Variants in IL21R observed in about 807,000 individuals in gnomAD.
The protein encoded by IL21R is interleukin-21 receptor.
Under a neutral mutation model 41.3 loss-of-function variants are expected in IL21R, and 14 were observed. The ratio of observed to expected loss-of-function variants is 0.34; its 90% CI spans 0.22 to 0.53. The LOEUF (loss-of-function observed/expected upper bound fraction) is 0.53. Among genes scored for constraint, IL21R ranks in the 20% least tolerant of loss-of-function variants. IL21R has a pLI of 0.94. For missense variants in IL21R, 588 were observed against 681.6 expected, an observed-to-expected ratio of 0.86 and a Z score of 1.53; for synonymous variants, 286 against 287.6, an observed-to-expected ratio of 0.99 and a Z score of 0.05.
intron 1 of IL21R, among the ~76,000 whole-genome samples, chr16:27,402,841 T>C (rs939666319): frequency 1.3e-5 from 2 of 152,116 alleles, no homozygotes; most frequent in African/African-American, 4.8e-5. Context: ...GCAGCAGGGA[T>C]GTGGCTGAGA....
chr16:27,436,079 C>T (rs1280293101), intron 3 of IL21R, among the ~76,000 whole-genome samples: 3 of 152,210 alleles, frequency 2.0e-5, no homozygotes, highest in African/African-American at 4.8e-5. Context: ...GTCAGGAGCC[C>T]GCAGGGTTGG....
At chr16:27,436,046 T>C (rs1348515398) in intron 3 of IL21R, among the ~76,000 whole-genome samples, 3 of 152,160 alleles carry the variant, frequency 2.0e-5, no homozygotes, top group Non-Finnish European at 4.4e-5. Flanking sequence ...AGACAACCAC[T>C]CAGGGCTCAC....
intron 1 of IL21R, among the ~76,000 whole-genome samples, chr16:27,427,542 C>T (rs2087099876): frequency 6.6e-6 from 1 of 152,122 alleles, no homozygotes; most frequent in South Asian, 2.1e-4. Context: ...ACCACAGGCA[C>T]ACAGCACCCG....
intron 1 of IL21R, among the ~76,000 whole-genome samples, chr16:27,410,116 T>C (rs1209428960): frequency 2.6e-5 from 4 of 152,120 alleles, no homozygotes; most frequent in Non-Finnish European, 4.4e-5. Flanking sequence ...TGGGTGGATC[T>C]TTTGAGGTCA....
At chr16:27,427,235 T>C in intron 1 of IL21R, 8 of 964,260 alleles carry the variant, frequency 8.3e-6, no homozygotes, top group Non-Finnish European at 9.9e-6. Flanking sequence ...GAGCATGGGG[T>C]GGAGTCAGCC....
chr16:27,426,636 G>C (rs950329684), intron 1 of IL21R, among the ~76,000 whole-genome samples: 4 of 152,244 alleles, frequency 2.6e-5, no homozygotes, highest in African/African-American at 9.6e-5. Flanking sequence ...CACTGGTACA[G>C]CACTTCACAG....
At chr16:27,420,078 C>G (rs2086974843) in intron 1 of IL21R, among the ~76,000 whole-genome samples, 1 of 151,188 alleles carries the variant, frequency 6.6e-6, no homozygotes, top group Non-Finnish European at 1.5e-5. Flanking sequence ...TTAGTTGAAA[C>G]GGGGTTTCAC....
rs1178027517 is a variant in IL21R, at chr16:27,448,604, C to T, written c.938C>T (p.Thr313Ile). 1 of 1,613,038 alleles carries T rather than the reference C, an allele frequency of 6.2e-7. No homozygotes were observed. The highest frequency in any genetic ancestry group is 1.1e-5 in the South Asian group (1 of 91,076). Residue 313 changes from threonine to isoleucine, a missense_variant, in exon 9 of 9, where the codon ACC (threonine) becomes ATC (isoleucine). Thr to Ile is a moderately conservative substitution (Grantham distance 89, BLOSUM62 -1). Coordinates refer to ENST00000337929, the MANE Select transcript of IL21R (RefSeq NM_181078.3). ...CCCTGGAGCCCAGAGGTGCCCTCCA[C>T]CCTGGAGGTGTACAGCTGCCACCCA... ...LGPWSPEVPS[T>I]LEVYSCHPPR... is the part of the protein sequence containing the mutation.
At chr16:27,413,682 A>C (rs2086853333) in intron 1 of IL21R, among the ~76,000 whole-genome samples, 1 of 150,632 alleles carries the variant, frequency 6.6e-6, no homozygotes. Context: ...GGTAGGTTGT[A>C]TATGTCTAGG....
chr16:27,434,323 C>T, intron 2 of IL21R, 24 bp from the exon 3 acceptor site: 1 of 1,491,782 alleles, frequency 6.7e-7, no homozygotes, highest in Non-Finnish European at 9.3e-7. Context: ...CCCACCAAGG[C>T]CTCTCTCCCC....
At chr16:27,444,427 A>G in intron 5 of IL21R, 115 bp from the exon 6 acceptor site, 1 of 640,264 alleles carries the variant, frequency 1.6e-6, no homozygotes, top group Non-Finnish European at 2.4e-6. Context: ...TCTTGTGGGA[A>G]GAGAAGAGAC....
chr16:27,443,681 G>C (rs2087429105), intron 5 of IL21R, among the ~76,000 whole-genome samples: 1 of 151,994 alleles, frequency 6.6e-6, no homozygotes, highest in African/African-American at 2.4e-5. Flanking sequence ...TATTCTGGAG[G>C]CTTAGGCAGG....
chr16:27,429,987 C>G (rs1440321720), intron 1 of IL21R, 69 bp from the exon 2 acceptor site: 1 of 1,342,702 alleles, frequency 7.4e-7, no homozygotes, highest in African/African-American at 1.4e-5. Flanking sequence ...TGGGAAGAGA[C>G]AGGATGAGGG....
At chr16:27,438,255 C>T (rs2087308556) in intron 4 of IL21R, among the ~76,000 whole-genome samples, 1 of 151,942 alleles carries the variant, frequency 6.6e-6, no homozygotes, top group Non-Finnish European at 1.5e-5. Context: ...GGGATCCTGA[C>T]CCCATAATGA....
At chr16:27,430,651 A>G (rs1428438005) in intron 2 of IL21R, among the ~76,000 whole-genome samples, 1 of 152,086 alleles carries the variant, frequency 6.6e-6, no homozygotes, top group African/African-American at 2.4e-5. Flanking sequence ...CCCTGTCTCT[A>G]CAAAAGAAAA....
intron 1 of IL21R, among the ~76,000 whole-genome samples, chr16:27,424,729 G>T (rs1452948871): frequency 1.3e-5 from 2 of 152,214 alleles, no homozygotes; most frequent in Admixed American, 1.3e-4. Context: ...GACTGCAGAG[G>T]TTGGGTGCTG....
rs528733819 is a variant in IL21R at position 27,448,562 on chromosome 16, C to G, written c.896C>G (p.Ser299Cys). 6.2e-7 allele frequency: 1 copy of G among 1,609,728 alleles called. No homozygotes were observed. The highest frequency in any genetic ancestry group is 8.5e-7 in the Non-Finnish European group (1 of 1,178,458). ...TGGGTGGGTGCACCCTTCACTGGCT[C>G]CAGCCTGGAGCTGGGACCCTGGAGC... ...KKWVGAPFTG[S>C]SLELGPWSPE... is the part of the protein sequence containing the mutation. Residue 299 changes from serine to cysteine, a missense_variant, in exon 9 of 9, where the codon TCC becomes TGC. Ser to Cys is a moderately radical substitution (Grantham distance 112). Coordinates refer to ENST00000337929, the MANE Select transcript of IL21R (RefSeq NM_181078.3).
chr16:27,427,280 A>G, intron 1 of IL21R: 3 of 985,570 alleles, frequency 3.0e-6, no homozygotes, highest in Non-Finnish European at 3.6e-6. Context: ...CAGATAGAGG[A>G]GCTCTTTGGG....
At chr16:27,429,552 A>G (rs2087132946) in intron 1 of IL21R, among the ~76,000 whole-genome samples, 1 of 152,070 alleles carries the variant, frequency 6.6e-6, no homozygotes, top group Non-Finnish European at 1.5e-5. Flanking sequence ...TAGGAGGATC[A>G]TGTGATCCCA....
Sources: allele counts gnomAD v4.1 joint callset (sites outside exome capture counted in the v4.1 genomes callset), GRCh38; gene constraint gnomAD v4.1.1; transcripts MANE v1.5; gene names NCBI Gene and HGNC (gene_info 2026-07-23, HGNC 2026-07-21).